Variants in GABRP observed in about 807,000 individuals in gnomAD.
The protein encoded by GABRP is gamma-aminobutyric acid receptor subunit pi.
Under a neutral mutation model 47.8 loss-of-function variants are expected in GABRP, and 52 were observed. The ratio of observed to expected loss-of-function variants is 1.09; its 90% CI spans 0.87 to 1.37. GABRP has a LOEUF of 1.37. GABRP is among the 40% of genes most tolerant of loss of function. The pLI is 0.00. For missense variants in GABRP, 525 were observed against 542.8 expected (o/e 0.97, Z 0.33); for synonymous variants, 221 against 205.8 (o/e 1.07, Z -0.63).
chr5:170,800,331 G>A (rs978346662), intron 6 of GABRP, among the ~76,000 whole-genome samples: 22 of 152,234 alleles, frequency 1.4e-4, no homozygotes, highest in South Asian at 6.2e-4. Flanking sequence ...CACCTTATAT[G>A]AAAATTAATT....
chr5:170,791,485 G>C (rs3805460), intron 3 of GABRP, among the ~76,000 whole-genome samples: 46,810 of 152,176 alleles, frequency 0.31, 7,867 homozygotes, highest in East Asian at 0.51. Context: ...TTTGTAAGCA[G>C]GCACTAGTGA....
At chr5:170,788,941 G>A (rs1400699603) in intron 2 of GABRP, among the ~76,000 whole-genome samples, 188 bp from the exon 3 acceptor site, 1 of 152,182 alleles carries the variant, frequency 6.6e-6, no homozygotes, top group African/African-American at 2.4e-5. Context: ...TATGGCAAAT[G>A]GGTAAAAAAT....
rs1380294053 is a variant in GABRP, at chr5:170,805,943, T to C, written c.679+90T>C. 14 of 1,426,996 alleles carry C rather than the reference T, an allele frequency of 9.8e-6. No individual in the cohort carries two copies. In the East Asian group the frequency reaches 3.0e-4, roughly 31 times the overall value. The allele number at this position is 1,426,996 out of a possible 1,614,324, so 88.4% of individuals were successfully genotyped here. ...AGTCAGAAATATCGTCTTCTCACTT[T>C]ACCTCCTTGGGATGCAGTGGAGCGG... On this transcript the variant is annotated intron_variant, in intron 7 of 9. Coordinates refer to ENST00000265294, the MANE Select transcript of GABRP (RefSeq NM_014211.3).
intron 5 of GABRP, 129 bp from the exon 6 acceptor site, chr5:170,797,337 T>C: frequency 1.5e-6 from 1 of 665,000 alleles, no homozygotes; most frequent in Non-Finnish European, 2.8e-6. Flanking sequence ...ATGCTTTACA[T>C]GCAGACTCCA....
intron 5 of GABRP, among the ~76,000 whole-genome samples, chr5:170,797,113 G>A (rs1205582528): frequency 6.6e-6 from 1 of 152,236 alleles, no homozygotes; most frequent in East Asian, 1.9e-4. Flanking sequence ...TGACGATAGT[G>A]ATGGTGAACA....
At position 170,812,212 on chromosome 5, in the gene GABRP, T is replaced by G; in HGVS notation, c.1277T>G (p.Phe426Cys). The change falls in exon 10 of 10, where the codon TTT (phenylalanine) becomes TGT (cysteine). Residue 426 changes from phenylalanine (F) to cysteine (C), a missense_variant. Physicochemically the swap from Phe to Cys is radical, Grantham distance 205. Coordinates refer to ENST00000265294, the MANE Select transcript of GABRP (RefSeq NM_014211.3). ...HYSKLLFPLI[F>C]MLANVFYWAY... ...TCCAAACTACTGTTTCCTTTGATTT[T>G]TATGCTAGCCAATGTATTTTACTGG... 25 of 1,613,968 alleles carry G rather than the reference T, an allele frequency of 1.5e-5. No individual in the cohort carries two copies. The highest frequency in any genetic ancestry group is 1.9e-5 in the Non-Finnish European group (23 of 1,179,866).
At position 170,812,098 on chromosome 5, in the gene GABRP, G is replaced by A. The variant is rs1295546958; in HGVS notation, c.1163G>A (p.Ser388Asn). The change falls in exon 10 of 10, where the codon AGC becomes AAC. Residue 388 changes from serine to asparagine, a missense_variant. Coordinates refer to ENST00000265294, the MANE Select transcript of GABRP (RefSeq NM_014211.3). Reference protein sequence around the residue: ...VDYSDLTMKTSDKFKFVFREK... With the variant: ...VDYSDLTMKTNDKFKFVFREK... ...TACAGTGACTTGACAATGAAAACCAGCGACAAGTTCAAGTTTGTCTTCCGA... is the reference window on the plus strand; with the variant it reads ...TACAGTGACTTGACAATGAAAACCAACGACAAGTTCAAGTTTGTCTTCCGA... 6.2e-7 allele frequency: 1 copy of A among 1,614,132 alleles called. No homozygotes were observed. Among genetic ancestry groups the A allele is most frequent in the Non-Finnish European group, 8.5e-7 (1 of 1,180,018 alleles).
At position 170,809,643 on chromosome 5, in the gene GABRP, T is replaced by C. The variant is rs1338896432; in HGVS notation, c.908T>C (p.Ile303Thr). Residue 303 changes from isoleucine (I) to threonine (T), a missense_variant, in exon 9 of 10, where the codon ATC (isoleucine) becomes ACC (threonine). Transcript: ENST00000265294. Reference sequence around the variant, plus strand: ...TCTCTTCCCAACACCAACTGCTTCATCAAGGCCATCGATGTGTACCTGGGG... The same window carrying C: ...TCTCTTCCCAACACCAACTGCTTCACCAAGGCCATCGATGTGTACCTGGGG... ...RTSLPNTNCF[I>T]KAIDVYLGIC... The C allele has an allele frequency of 6.2e-7, 1 of 1,614,210 alleles. No individual in the cohort carries two copies. The highest frequency in any genetic ancestry group is 1.7e-4 in the Middle Eastern group (1 of 6,060).
intron 1 of GABRP, 69 bp from the exon 2 acceptor site, chr5:170,788,505 A>C: frequency 2.9e-6 from 3 of 1,024,338 alleles, no homozygotes; most frequent in Non-Finnish European, 4.6e-6. Context: ...CCCACCAGAG[A>C]GAGAGGCTGG....
At chr5:170,807,389 T>TA (rs1765763166) in intron 7 of GABRP, among the ~76,000 whole-genome samples, 1 of 152,190 alleles carries the variant, frequency 6.6e-6, no homozygotes. Context: ...TGGGTTCATA[T>TA]AAAAAATGGC....
Position 170,805,809 on chromosome 5 carries a change from T to C in GABRP, c.635T>C (p.Ile212Thr). Residue 212 changes from isoleucine to threonine, a missense_variant, in exon 7 of 10, where the codon ATA (isoleucine) becomes ACA (threonine). By Grantham distance (89) the Ile-to-Thr change is moderately conservative (BLOSUM62 -1). Coordinates refer to ENST00000265294, the MANE Select transcript of GABRP (RefSeq NM_014211.3). ...LEHLRLAQYTIERYFTLVTRS... is the reference protein window; with the variant it reads ...LEHLRLAQYTTERYFTLVTRS... ...CACCTGCGGCTTGCTCAGTACACCA[T>C]AGAGCGGTATTTCACCTTAGTCACC... 6.2e-7 allele frequency: 1 copy of C among 1,614,182 alleles called. No individual in the cohort carries two copies. Among genetic ancestry groups the C allele is most frequent in the Non-Finnish European group, 8.5e-7 (1 of 1,180,012 alleles).
rs1581594782 is a variant in GABRP, at chr5:170,795,275, A to G, written c.308A>G (p.Lys103Arg). The stretch of plus-strand genomic sequence containing the variant: ...CAGCGGCTGGTGTTTGAAGGCAACA[A>G]GAGCTTCACTCTGGATGCCCGCCTC... ...MDQRLVFEGN[K>R]SFTLDARLVE... Residue 103 changes from lysine (K) to arginine (R), a missense_variant, in exon 5 of 10, where the codon AAG becomes AGG. By Grantham distance (26) the Lys-to-Arg change is conservative. Coordinates refer to ENST00000265294, the MANE Select transcript of GABRP (RefSeq NM_014211.3). 7 of 1,613,366 alleles carry G rather than the reference A, an allele frequency of 4.3e-6. No homozygotes were observed. In the East Asian group the frequency reaches 1.3e-4, roughly 31 times the overall value.
rs563428567 is a variant in GABRP at position 170,812,031 on chromosome 5, A to G, written c.1096A>G (p.Ile366Val). The change falls in exon 10 of 10, where the codon ATC (isoleucine) becomes GTC (valine). Residue 366 changes from isoleucine to valine, a missense_variant. Ile to Val is a conservative substitution (Grantham distance 29). Coordinates refer to ENST00000265294, the MANE Select transcript of GABRP (RefSeq NM_014211.3). ...NSSISSFKRK[I>V]SFASIEISSD... ...CTCCATCTCCAGCTTTAAACGGAAG[A>G]TCAGCTTTGCCAGCATTGAAATTTC... 2 of 1,614,214 alleles carry G rather than the reference A, an allele frequency of 1.2e-6. No homozygotes were observed. Among genetic ancestry groups the G allele is most frequent in the Non-Finnish European group, 1.7e-6 (2 of 1,180,034 alleles).
intron 3 of GABRP, among the ~76,000 whole-genome samples, chr5:170,792,054 C>T (rs1040165118): frequency 6.6e-6 from 1 of 152,208 alleles, no homozygotes; most frequent in Non-Finnish European, 1.5e-5. Context: ...TACCTCTTAA[C>T]ACTCTTACAA....
At chr5:170,797,972 A>G (rs2339141) in intron 6 of GABRP, among the ~76,000 whole-genome samples, 6,660 of 152,344 alleles carry the variant, frequency 0.044, 458 homozygotes, top group African/African-American at 0.15. Flanking sequence ...AGAGTTGAGT[A>G]TTTGTGATAG....
chr5:170,788,298 G>T (rs1359519601), intron 1 of GABRP: 85 of 234,054 alleles, frequency 3.6e-4, no homozygotes, highest in Non-Finnish European at 4.9e-5. Context: ...GCAGTGAACC[G>T]AGATCATGTC....
At chr5:170,794,919 C>T (rs544178839) in intron 4 of GABRP, among the ~76,000 whole-genome samples, 1 of 151,352 alleles carries the variant, frequency 6.6e-6, no homozygotes, top group East Asian at 2.0e-4. Context: ...ACATGGCGTT[C>T]CCTTTTGGCA....
chr5:170,787,078 C>T (rs1258771571), intron 1 of GABRP, among the ~76,000 whole-genome samples: 1 of 152,144 alleles, frequency 6.6e-6, no homozygotes, highest in Non-Finnish European at 1.5e-5. Context: ...ACCTTCTTTA[C>T]TGTCAACATC....
intron 6 of GABRP, among the ~76,000 whole-genome samples, chr5:170,804,043 C>T (rs983411818): frequency 1.3e-5 from 2 of 152,178 alleles, no homozygotes; most frequent in Non-Finnish European, 2.9e-5. Flanking sequence ...GCTGGGATTA[C>T]AGGCATGAGC....
Sources: allele counts gnomAD v4.1 joint callset (sites outside exome capture counted in the v4.1 genomes callset), GRCh38; gene constraint gnomAD v4.1.1; transcripts MANE v1.5; gene names NCBI Gene and HGNC (gene_info 2026-07-23, HGNC 2026-07-21).